CCDC92: variants seen among roughly 807,000 people sequenced by gnomAD.
CCDC92 encodes the protein coiled-coil domain containing 92.
CCDC92 carries 12 observed loss-of-function variants against 24.9 expected under a neutral mutation model. The ratio of observed to expected loss-of-function variants is 0.48; its 90% CI spans 0.31 to 0.78. The LOEUF is 0.78. Among genes scored for constraint, CCDC92 ranks in the 30% least tolerant of loss-of-function variants. The probability of loss-of-function intolerance (pLI) is 0.05; values close to 1 mark genes in which losing one functional copy is unlikely to be tolerated. For synonymous variants in CCDC92, 193 were observed against 196.3 expected (o/e 0.98, Z 0.14); for missense variants, 399 against 439.4 (o/e 0.91, Z 0.82).
intron 1 of CCDC92, chr12:123,968,081 TA>T (rs1956435417): frequency 6.6e-6 from 1 of 152,272 alleles, no homozygotes; most frequent in Non-Finnish European, 1.5e-5. Flanking sequence ...TTCCCCTTTT[TA>T]TAAGCAGCTT....
Position 123,971,797 on chromosome 12 carries a change from T to C in CCDC92, c.-60+732A>G, listed in dbSNP as rs137988893. On this transcript the variant is annotated intron_variant, in intron 1 of 4. Coordinates refer to ENST00000238156, the MANE Select transcript of CCDC92 (RefSeq NM_025140.3). ...CCTGGAGCTCTGCTGCGTTTGTGCA[T>C]TCTGCTCCGTTTCACGAATCACAGG... is the stretch of plus-strand genomic sequence containing the variant. The C allele has an allele frequency of 6.1e-3, 928 of 152,408 alleles. 6 individuals are homozygous for C. The highest frequency in any genetic ancestry group is 0.011 in the Admixed American group (164 of 15,308). The allele number at this position is 152,408 out of a possible 1,614,324, so 9.4% of individuals were successfully genotyped here.
intron 1 of CCDC92, chr12:123,962,853 T>C (rs970279286): frequency 6.6e-5 from 10 of 152,244 alleles, no homozygotes; most frequent in Admixed American, 5.2e-4. Flanking sequence ...GATATAGGTT[T>C]TTTTTTAAAA....
At chr12:123,953,277 A>G (rs1956070161) in intron 1 of CCDC92, among the ~76,000 whole-genome samples, 1 of 152,072 alleles carries the variant, frequency 6.6e-6, no homozygotes, top group African/African-American at 2.4e-5. Context: ...TTTTTGCAAG[A>G]TAATCACCAC....
intron 1 of CCDC92, among the ~76,000 whole-genome samples, chr12:123,968,881 T>C (rs1377605210): frequency 6.6e-6 from 1 of 152,244 alleles, no homozygotes; most frequent in Non-Finnish European, 1.5e-5. Flanking sequence ...AAAAGTTAAG[T>C]CCATGCAAAC....
chr12:123,953,813 A>G (rs12296259), intron 1 of CCDC92, among the ~76,000 whole-genome samples: 55,823 of 151,480 alleles, frequency 0.37, 10,983 homozygotes, highest in African/African-American at 0.5. Flanking sequence ...AAAATTAGCC[A>G]GGTGTCGTGG....
intron 4 of CCDC92, among the ~76,000 whole-genome samples, chr12:123,938,517 C>T (rs1955592632): frequency 6.6e-6 from 1 of 152,186 alleles, no homozygotes; most frequent in South Asian, 2.1e-4. Context: ...TCAGCAAACA[C>T]CAGCCACCTC....
intron 4 of CCDC92, among the ~76,000 whole-genome samples, chr12:123,941,699 G>A (rs576529687): frequency 5.9e-5 from 9 of 152,344 alleles, no homozygotes; most frequent in Admixed American, 5.2e-4. Flanking sequence ...AGGGCTGAGC[G>A]AGCCCTGGAC....
chr12:123,954,914 C>G (rs1480239752), intron 1 of CCDC92, among the ~76,000 whole-genome samples: 2 of 152,176 alleles, frequency 1.3e-5, no homozygotes, highest in Non-Finnish European at 2.9e-5. Context: ...GGGGCGATGC[C>G]CATACAGTGT....
rs111852196 is a variant in CCDC92 at position 123,951,999 on chromosome 12, G to C, written c.-59-7635C>G. ...TAACACAATGGGACAAAAGAGACTG[G>C]AGTGGACAAACTCTTGAGATATCAG... On this transcript the variant is annotated intron_variant, in intron 1 of 4. Transcript: ENST00000238156. Among the ~76,000 whole-genome samples the C allele has an allele frequency of 4.1e-3, 622 of 152,286 alleles. 7 individuals are homozygous for C. The highest frequency in any genetic ancestry group is 0.014 in the African/African-American group (592 of 41,554).
intron 1 of CCDC92, among the ~76,000 whole-genome samples, chr12:123,971,089 G>A (rs1390128020): frequency 6.6e-6 from 1 of 152,184 alleles, no homozygotes; most frequent in East Asian, 1.9e-4. Context: ...TATTTAAAAT[G>A]TGTCACAGTA....
chr12:123,969,612 C>T lies in CCDC92; in HGVS notation c.-60+2917G>A, dbSNP rs571132397. Among the ~76,000 whole-genome samples, 6 of 151,682 alleles carry T rather than the reference C, an allele frequency of 4.0e-5. No homozygotes were observed. The South Asian group carries it at 6.3e-4, about 16-fold the overall frequency. On this transcript the variant is annotated intron_variant, in intron 1 of 4. Transcript: ENST00000238156. ...GCCTCCCGAGTAGCTGGGACTACTG[C>T]GCCACCACGACCAGCTAATTTTTGT... is the stretch of plus-strand genomic sequence containing the variant.
chr12:123,937,913 T>G lies in CCDC92; in HGVS notation c.224-83A>C. 1 of 1,405,564 alleles carries G rather than the reference T, an allele frequency of 7.1e-7. No individual in the cohort carries two copies. The highest frequency in any genetic ancestry group is 1.9e-4 in the Middle Eastern group (1 of 5,376). The allele number at this position is 1,405,564 out of a possible 1,614,324, so 87.1% of individuals were successfully genotyped here. A position where few individuals can be genotyped will look rare whatever the true frequency, so the allele number is the denominator to read the frequency against. On this transcript the variant is annotated intron_variant, in intron 4 of 4. Coordinates refer to ENST00000238156, the MANE Select transcript of CCDC92 (RefSeq NM_025140.3). The surrounding 1 kb of genome is among the most constrained non-coding windows in gnomAD (Gnocchi z 8.4). ...GAGGCCTATGGGGCAGGCGGACCTG[T>G]CTGGTGGGGGCCCTGTCTAGGCTGT... is the stretch of plus-strand genomic sequence containing the variant.
intron 4 of CCDC92, 31 bp downstream of exon 4, chr12:123,942,713 C>A: frequency 6.4e-7 from 1 of 1,565,948 alleles, no homozygotes; most frequent in South Asian, 1.1e-5. Context: ...GGGAAACCTA[C>A]TGTCATTTAC....
At chr12:123,955,804 A>G (rs1190573478) in intron 1 of CCDC92, among the ~76,000 whole-genome samples, 2 of 152,142 alleles carry the variant, frequency 1.3e-5, no homozygotes, top group South Asian at 2.1e-4. Flanking sequence ...TAATTTAGCC[A>G]TATTTTTCCT....
At chr12:123,953,303 C>T (rs1378902547) in intron 1 of CCDC92, among the ~76,000 whole-genome samples, 2 of 150,168 alleles carry the variant, frequency 1.3e-5, no homozygotes, top group Non-Finnish European at 3.0e-5. Context: ...ATAATCTCAA[C>T]GTCTGTCAAG....
chr12:123,954,685 T>G (rs1956108988), intron 1 of CCDC92, among the ~76,000 whole-genome samples: 2 of 152,250 alleles, frequency 1.3e-5, no homozygotes. Flanking sequence ...AAAGCAAGTC[T>G]ATATTTCCGG....
rs1389868343 is a variant in CCDC92 at position 123,943,494 on chromosome 12, C to T, written c.35-1G>A. On this transcript the variant is annotated splice_acceptor_variant, in intron 2 of 4. Transcript: ENST00000238156. LOFTEE classifies it high-confidence loss of function. Reference sequence around the variant, plus strand: ...GCTGCCATGCTGACATCCAGAGGACCTGTGGGTAACACAGACCCTGGCTGC... The same window carrying T: ...GCTGCCATGCTGACATCCAGAGGACTTGTGGGTAACACAGACCCTGGCTGC... 1 of 1,614,110 alleles carries T rather than the reference C, an allele frequency of 6.2e-7. No individual in the cohort carries two copies. Among genetic ancestry groups the T allele is most frequent in the East Asian group, 2.2e-5 (1 of 44,888 alleles).
intron 1 of CCDC92, among the ~76,000 whole-genome samples, chr12:123,964,239 A>C (rs1956339509): frequency 6.6e-6 from 1 of 152,244 alleles, no homozygotes; most frequent in Non-Finnish European, 1.5e-5. Context: ...CAAACTGAAA[A>C]GTTATTTATC....
rs992648164 is a variant in CCDC92, at chr12:123,972,617, G to A, written c.-148C>T. The A allele has an allele frequency of 1.3e-5, 2 of 148,538 alleles. No homozygotes were observed. Among genetic ancestry groups the A allele is most frequent in the African/African-American group, 5.0e-5 (2 of 40,122 alleles). The allele number at this position is 148,538 out of a possible 1,614,324, so 9.2% of individuals were successfully genotyped here. A position where few individuals can be genotyped will look rare whatever the true frequency, so the allele number is the denominator to read the frequency against. ...GCGGCGGTGGGGGCCCGTGGCCCAT[G>A]GGCTGGGCGGGGCGCGGCGGGCGGG... On this transcript the variant is annotated 5_prime_UTR_variant, in exon 1 of 5. Coordinates refer to ENST00000238156, the MANE Select transcript of CCDC92 (RefSeq NM_025140.3).
Sources: gnomAD v4.1 joint callset for allele counts (sites outside exome capture counted in the v4.1 genomes callset) on GRCh38, gnomAD v4.1.1 for gene constraint, Gnocchi (gnomAD v3.1) non-coding constraint, MANE v1.5 for transcripts, NCBI Gene and HGNC (gene_info 2026-07-23, HGNC 2026-07-21) for gene names.